The following ZNF407 variants were observed in gnomAD, a reference collection of about 807,000 sequenced individuals.
ZNF407 encodes zinc finger protein 407.
In ZNF407, 17 loss-of-function variants were observed where a neutral mutation model predicts 131.2. That is an observed-to-expected ratio of 0.13 (90% CI 0.09 to 0.19). ZNF407 has a LOEUF of 0.19. Ranked by LOEUF, ZNF407 falls within the 10% of genes least tolerant of loss-of-function variation. ZNF407 has a pLI of 1.00. For missense variants in ZNF407, 2,681 were observed against 2,830.6 expected, an observed-to-expected ratio of 0.95 and a Z score of 1.20; for synonymous variants, 1,156 against 1,062.0, an observed-to-expected ratio of 1.09 and a Z score of -1.72.
intron 3 of ZNF407, among the ~76,000 whole-genome samples, chr18:74,726,300 T>G (rs1050655759): frequency 5.9e-5 from 9 of 152,196 alleles, no homozygotes; most frequent in African/African-American, 2.2e-4. Flanking sequence ...ATGAATCATC[T>G]TATTAGATGT....
At chr18:74,969,565 G>T (rs985520740) in intron 8 of ZNF407, among the ~76,000 whole-genome samples, 15 of 152,198 alleles carry the variant, frequency 9.9e-5, no homozygotes, top group African/African-American at 3.6e-4. Context: ...CTGCCTGAGG[G>T]GGCAGAAAGG....
intron 4 of ZNF407, among the ~76,000 whole-genome samples, chr18:74,846,317 C>T (rs925903917): frequency 1.3e-5 from 2 of 151,544 alleles, no homozygotes; most frequent in Non-Finnish European, 2.9e-5. Context: ...CCTTTTCTAA[C>T]AATGTCTGAA....
chr18:74,746,203 G>A (rs1968665004), intron 3 of ZNF407, among the ~76,000 whole-genome samples: 2 of 152,102 alleles, frequency 1.3e-5, no homozygotes, highest in Non-Finnish European at 2.9e-5. Flanking sequence ...AAAAAGGGGT[G>A]CAGTTGTATC....
intron 4 of ZNF407, among the ~76,000 whole-genome samples, chr18:74,816,946 A>C (rs1277625989): frequency 3.3e-5 from 5 of 152,100 alleles, no homozygotes; most frequent in Non-Finnish European, 7.4e-5. Context: ...ATTCCCTCAT[A>C]TGTTTGTGCA....
At chr18:74,697,987 C>A (rs773437402) in intron 3 of ZNF407, among the ~76,000 whole-genome samples, 1 of 152,082 alleles carries the variant, frequency 6.6e-6, no homozygotes, top group Non-Finnish European at 1.5e-5. Flanking sequence ...AAGAAAAAAT[C>A]CAATTGTTTT....
chr18:74,959,977 G>A (rs1488097089), intron 8 of ZNF407, among the ~76,000 whole-genome samples: 2 of 152,202 alleles, frequency 1.3e-5, no homozygotes, highest in Non-Finnish European at 2.9e-5. Context: ...GTGTGCATTT[G>A]TATAACTCAT....
intron 8 of ZNF407, among the ~76,000 whole-genome samples, chr18:75,003,230 T>C (rs1051708802): frequency 6.6e-6 from 1 of 152,236 alleles, no homozygotes; most frequent in Admixed American, 6.5e-5. Context: ...CAAATGTGTT[T>C]GGTTTTATTT....
intron 8 of ZNF407, among the ~76,000 whole-genome samples, chr18:74,940,893 G>A (rs995117792): frequency 2.2e-4 from 34 of 152,182 alleles, no homozygotes; most frequent in African/African-American, 7.5e-4. Context: ...TAGTTCTTGG[G>A]TGTACTGCTC....
intron 3 of ZNF407, among the ~76,000 whole-genome samples, chr18:74,779,109 A>ATATATAT (rs397943457): frequency 2.1e-4 from 5 of 24,372 alleles, no homozygotes; most frequent in African/African-American, 6.9e-4. Flanking sequence ...ATATATATAT[A>ATATATAT]TTTTTTTTTT....
At chr18:74,786,789 GTAT>G (rs1969722717) in intron 4 of ZNF407, among the ~76,000 whole-genome samples, 3 of 98,924 alleles carry the variant, frequency 3.0e-5, no homozygotes, top group Non-Finnish European at 6.1e-5. Flanking sequence ...ATGTAAAAAA[GTAT>G]GTTTTTTTTT....
In ZNF407 at chr18:74,923,911, G is replaced by A. The variant is rs149863109; in HGVS notation, c.5428+3219G>A. The stretch of plus-strand genomic sequence containing the variant: ...TTTTACTTTAGTATTTGTACTTAAT[G>A]TAATTATTGGTATATTCATCATAGT... On this transcript the variant is annotated intron_variant, in intron 8 of 8. Transcript: ENST00000299687. Among the ~76,000 whole-genome samples the A allele has an allele frequency of 9.2e-4, 140 of 152,162 alleles. 1 individual carries two copies. The highest frequency in any genetic ancestry group is 3.3e-3 in the African/African-American group (137 of 41,502).
rs1295929251 is a variant in ZNF407, at chr18:75,064,125, T to C, written c.6404T>C (p.Leu2135Pro). 1 of 1,599,604 alleles carries C rather than the reference T, an allele frequency of 6.3e-7. No individual in the cohort carries two copies. Among genetic ancestry groups the C allele is most frequent in the Non-Finnish European group, 8.5e-7 (1 of 1,173,434 alleles). The change falls in exon 9 of 9, where the codon CTG (leucine) becomes CCG (proline). Residue 2135 changes from leucine to proline, a missense_variant. Leu to Pro is a moderately conservative substitution (Grantham distance 98). Around this residue, in one of 6 missense-constraint regions of ZNF407, gnomAD observed 620 missense variants for 583.1 expected, o/e 1.06. Coordinates refer to ENST00000299687, the MANE Select transcript of ZNF407 (RefSeq NM_017757.3). ...GAGGCGCAGGGCGAGCACATGGATC[T>C]GGTGGAGTCCGACGGGGAGATCTCG... Reference protein sequence around the residue: ...MQEAQGEHMDLVESDGEISQI... With the variant: ...MQEAQGEHMDPVESDGEISQI...
intron 8 of ZNF407, among the ~76,000 whole-genome samples, chr18:74,985,332 G>T (rs542392059): frequency 6.8e-6 from 1 of 147,178 alleles, no homozygotes; most frequent in East Asian, 2.0e-4. Context: ...TCAATACAGA[G>T]AATTAGTTAT....
intron 7 of ZNF407, among the ~76,000 whole-genome samples, chr18:74,891,074 A>G (rs1023678926): frequency 1.3e-5 from 2 of 152,210 alleles, no homozygotes; most frequent in African/African-American, 4.8e-5. Flanking sequence ...GCGAGGCTAA[A>G]TCATCCTCTC....
At chr18:74,728,039 C>T (rs547851402) in intron 3 of ZNF407, among the ~76,000 whole-genome samples, 2 of 152,086 alleles carry the variant, frequency 1.3e-5, no homozygotes, top group South Asian at 4.2e-4. Flanking sequence ...ACCCTTGGGG[C>T]AGATGTGGTT....
chr18:74,995,306 TGC>T (rs2122146650), intron 8 of ZNF407, among the ~76,000 whole-genome samples: 1 of 152,122 alleles, frequency 6.6e-6, no homozygotes, highest in East Asian at 1.9e-4. Context: ...GCATTCTGGA[TGC>T]TGTGTGGAGA....
rs971911080 is a variant in ZNF407, at chr18:74,796,039, G to A, written c.4877+14537G>A. ...CATGAGCATTGAGAGCATGCAAATCGGCTGCTCTTTTCTCCCTCAGGTGGC... is the reference window on the plus strand; with the variant it reads ...CATGAGCATTGAGAGCATGCAAATCAGCTGCTCTTTTCTCCCTCAGGTGGC... On this transcript the variant is annotated intron_variant, in intron 4 of 8. Transcript: ENST00000299687. 2.2e-4 allele frequency among the ~76,000 whole-genome samples: 34 copies of A among 152,216 alleles called. 1 individual carries two copies. Among genetic ancestry groups the A allele is most frequent in the African/African-American group, 7.2e-4 (30 of 41,446 alleles).
At chr18:75,054,867 C>T (rs2122274442) in intron 8 of ZNF407, among the ~76,000 whole-genome samples, 2 of 152,344 alleles carry the variant, frequency 1.3e-5, no homozygotes, top group Middle Eastern at 3.4e-3. Flanking sequence ...TGACATTCCA[C>T]AGCTCTTTTC....
At chr18:75,023,349 A>G (rs572490904) in intron 8 of ZNF407, among the ~76,000 whole-genome samples, 1 of 152,318 alleles carries the variant, frequency 6.6e-6, no homozygotes, top group Non-Finnish European at 1.5e-5. Context: ...TGAATTAACT[A>G]TTCATATGCT....
Sources: allele counts gnomAD v4.1 joint callset (sites outside exome capture counted in the v4.1 genomes callset), GRCh38; gene constraint gnomAD v4.1.1; regional missense constraint gnomAD v4.1.1; transcripts MANE v1.5; gene names NCBI Gene and HGNC (gene_info 2026-07-23, HGNC 2026-07-21).